Variants in PTPRD observed in about 807,000 individuals in gnomAD.
PTPRD encodes protein tyrosine phosphatase receptor type D, also known as receptor-type tyrosine-protein phosphatase delta.
A neutral mutation model predicts 214.5 loss-of-function variants in PTPRD; 34 were observed. The ratio of observed to expected loss-of-function variants is 0.16; its 90% CI spans 0.12 to 0.21. PTPRD has a LOEUF of 0.21. Ranked by LOEUF, PTPRD falls within the 10% of genes least tolerant of loss-of-function variation. The pLI is 1.00. For missense variants in PTPRD, 2,545 were observed against 2,398.7 expected, an observed-to-expected ratio of 1.06 and a Z score of -1.27; for synonymous variants, 1,128 against 845.7, an observed-to-expected ratio of 1.33 and a Z score of -5.79.
chr9:10,526,691 C>A (rs1344763877), intron 2 of PTPRD, among the ~76,000 whole-genome samples: 1 of 151,976 alleles, frequency 6.6e-6, no homozygotes. Flanking sequence ...AAAAGAGTTA[C>A]CCAAATTTTA....
chr9:9,883,099 T>G (rs2069378301), intron 5 of PTPRD, among the ~76,000 whole-genome samples: 2 of 152,144 alleles, frequency 1.3e-5, no homozygotes, highest in South Asian at 4.1e-4. Context: ...CTCTTTTAGT[T>G]ATAAATTACC....
At chr9:8,989,834 T>C (rs1456106873) in intron 11 of PTPRD, among the ~76,000 whole-genome samples, 1 of 152,110 alleles carries the variant, frequency 6.6e-6, no homozygotes, top group Non-Finnish European at 1.5e-5. Context: ...CGTGAAGCTT[T>C]GCAAAAAGAA....
chr9:8,956,539 G>C (rs1047206736), intron 11 of PTPRD, among the ~76,000 whole-genome samples: 1 of 151,594 alleles, frequency 6.6e-6, no homozygotes, highest in Non-Finnish European at 1.5e-5. Context: ...GAATACAGAC[G>C]TGACTAGTGG....
At chr9:9,997,248 T>C (rs78480133) in intron 4 of PTPRD, among the ~76,000 whole-genome samples, 1 of 151,176 alleles carries the variant, frequency 6.6e-6, no homozygotes, top group African/African-American at 2.4e-5. Flanking sequence ...ACATTTGAAA[T>C]GGCAGAAGAA....
intron 7 of PTPRD, among the ~76,000 whole-genome samples, chr9:9,599,092 ATAT>A (rs2154335824): frequency 6.6e-6 from 1 of 152,188 alleles, no homozygotes; most frequent in South Asian, 2.1e-4. Flanking sequence ...AGATCTTAGA[ATAT>A]TATTTAGTAC....
intron 3 of PTPRD, among the ~76,000 whole-genome samples, chr9:10,061,033 G>A (rs1356919691): frequency 1.4e-5 from 2 of 147,170 alleles, no homozygotes; most frequent in Non-Finnish European, 3.0e-5. Flanking sequence ...TTTTCTCTCT[G>A]ACTATCTCTC....
At chr9:10,431,072 A>T (rs1057021354) in intron 2 of PTPRD, among the ~76,000 whole-genome samples, 1 of 152,038 alleles carries the variant, frequency 6.6e-6, no homozygotes, top group Non-Finnish European at 1.5e-5. Context: ...TAATACTTGA[A>T]ATCACAGACA....
chr9:9,882,380 C>T (rs1264676732), intron 5 of PTPRD, among the ~76,000 whole-genome samples: 1 of 152,002 alleles, frequency 6.6e-6, no homozygotes, highest in African/African-American at 2.4e-5. Context: ...TATATTTGGC[C>T]AACGCTTGGT....
intron 8 of PTPRD, among the ~76,000 whole-genome samples, chr9:9,533,703 T>A (rs2075963246): frequency 6.6e-6 from 1 of 152,022 alleles, no homozygotes; most frequent in African/African-American, 2.4e-5. Context: ...TCCACCTTAA[T>A]ATTAATGATG....
intron 3 of PTPRD, among the ~76,000 whole-genome samples, chr9:10,327,284 T>G: frequency 6.6e-6 from 1 of 150,854 alleles, no homozygotes; most frequent in Non-Finnish European, 1.5e-5. Flanking sequence ...ATACGAACCC[T>G]AAATAAAATA....
chr9:9,673,185 G>T (rs1242248183), intron 7 of PTPRD, among the ~76,000 whole-genome samples: 2 of 151,750 alleles, frequency 1.3e-5, no homozygotes, highest in Non-Finnish European at 2.9e-5. Flanking sequence ...TAATCTTTAA[G>T]AATTTTTAAA....
At chr9:10,416,709 G>A (rs146906879) in intron 2 of PTPRD, among the ~76,000 whole-genome samples, 7 of 151,810 alleles carry the variant, frequency 4.6e-5, no homozygotes, top group East Asian at 3.9e-4. Flanking sequence ...ATCTAGTACC[G>A]TAATAGAGAC....
intron 2 of PTPRD, among the ~76,000 whole-genome samples, chr9:10,352,207 T>A (rs963368233): frequency 1.3e-5 from 2 of 152,042 alleles, no homozygotes; most frequent in Admixed American, 1.3e-4. Flanking sequence ...AAGAAATCAC[T>A]GTACTAAAAT....
intron 11 of PTPRD, among the ~76,000 whole-genome samples, chr9:8,756,969 T>C (rs943399435): frequency 9.9e-5 from 15 of 151,940 alleles, no homozygotes; most frequent in African/African-American, 3.6e-4. Flanking sequence ...GGTGAAACCC[T>C]GTCTCTACTA....
At chr9:10,495,404 G>C (rs554918395) in intron 2 of PTPRD, among the ~76,000 whole-genome samples, 2 of 151,816 alleles carry the variant, frequency 1.3e-5, no homozygotes, top group East Asian at 3.9e-4. Flanking sequence ...GAGGAATCTG[G>C]GCTTCCAGAT....
chr9:9,576,126 G>T (rs1227000865), intron 7 of PTPRD, among the ~76,000 whole-genome samples: 2 of 152,104 alleles, frequency 1.3e-5, no homozygotes, highest in Non-Finnish European at 2.9e-5. Flanking sequence ...TGTTTTGGGA[G>T]ACTGTGTTTT....
chr9:10,256,745 C>G (rs1394946294), intron 3 of PTPRD, among the ~76,000 whole-genome samples: 2 of 152,172 alleles, frequency 1.3e-5, no homozygotes, highest in African/African-American at 4.8e-5. Flanking sequence ...CTACCTGCTT[C>G]TCTAGGCTCA....
intron 10 of PTPRD, among the ~76,000 whole-genome samples, chr9:9,061,776 G>C (rs1054867177): frequency 1.3e-5 from 2 of 152,126 alleles, no homozygotes; most frequent in Admixed American, 6.5e-5. Flanking sequence ...GGCACTAGCA[G>C]GTTTGCCTCT....
intron 9 of PTPRD, among the ~76,000 whole-genome samples, chr9:9,306,724 A>AT (rs1957274803): frequency 6.6e-6 from 1 of 152,096 alleles, no homozygotes; most frequent in Non-Finnish European, 1.5e-5. Context: ...TTGGTCATGA[A>AT]TTTTCTTCAT....
Sources: gnomAD v4.1 joint callset for allele counts (sites outside exome capture counted in the v4.1 genomes callset) on GRCh38, gnomAD v4.1.1 for gene constraint, MANE v1.5 for transcripts, NCBI Gene and HGNC (gene_info 2026-07-23, HGNC 2026-07-21) for gene names.